SV2C: variants seen among roughly 807,000 people sequenced by gnomAD.
The protein encoded by SV2C is solute carrier family 22 member B3.
A neutral mutation model predicts 79.7 loss-of-function variants in SV2C; 49 were observed. The ratio of observed to expected loss-of-function variants is 0.61; its 90% confidence interval spans 0.49 to 0.78. The LOEUF is 0.78. Ranked by LOEUF, SV2C falls within the 30% of genes least tolerant of loss-of-function variation. The pLI is 0.00. For missense variants in SV2C, 833 were observed against 912.9 expected (o/e 0.91, Z 1.13); for synonymous variants, 334 against 333.2 (o/e 1.00, Z -0.03).
At chr5:75,967,808 G>T in the SV2C span, among the ~76,000 whole-genome samples, 3 of 152,212 alleles carry the variant, frequency 2.0e-5, no homozygotes, top group African/African-American at 7.2e-5. Flanking sequence ...CTGTCTGACA[G>T]CTTTGAAGAG....
chr5:75,998,012 TA>T, the SV2C span, among the ~76,000 whole-genome samples: 6 of 151,916 alleles, frequency 3.9e-5, no homozygotes, highest in Non-Finnish European at 2.9e-5. Context: ...TATGCAGCCA[TA>T]AAAAAGGATG....
the SV2C span, among the ~76,000 whole-genome samples, chr5:75,998,505 A>G: frequency 3.3e-5 from 5 of 152,256 alleles, no homozygotes; most frequent in East Asian, 9.7e-4. Flanking sequence ...AAATGGATGA[A>G]TCATGATTGA....
the SV2C span, among the ~76,000 whole-genome samples, chr5:76,019,887 C>T: frequency 3.9e-5 from 6 of 152,164 alleles, no homozygotes; most frequent in East Asian, 7.8e-4. Flanking sequence ...AATTCTTTGA[C>T]GGATACGAGT....
At chr5:76,009,520 T>G in the SV2C span, among the ~76,000 whole-genome samples, 3 of 152,214 alleles carry the variant, frequency 2.0e-5, no homozygotes, top group Non-Finnish European at 4.4e-5. Flanking sequence ...CAGGTGCCTG[T>G]CAGTGGTGGA....
the SV2C span, among the ~76,000 whole-genome samples, chr5:76,001,831 A>G: frequency 3.3e-5 from 5 of 152,076 alleles, no homozygotes; most frequent in Non-Finnish European, 7.4e-5. Context: ...TTTTGGGGAA[A>G]CAGGTGGTGT....
the SV2C span, among the ~76,000 whole-genome samples, chr5:75,995,659 G>T: frequency 6.6e-6 from 1 of 152,004 alleles, no homozygotes. Flanking sequence ...TCAGATGTAG[G>T]TTAAAATGCT....
the SV2C span, among the ~76,000 whole-genome samples, chr5:75,977,694 C>T: frequency 6.6e-6 from 1 of 152,190 alleles, no homozygotes; most frequent in Non-Finnish European, 1.5e-5. Context: ...CTTCCATATA[C>T]TTCCGGCAGT....
chr5:76,293,163 T>C (rs1234288153), intron 8 of SV2C, among the ~76,000 whole-genome samples: 1 of 152,102 alleles, frequency 6.6e-6, no homozygotes, highest in African/African-American at 2.4e-5. Context: ...AGGGTTGACT[T>C]AGAATATGTA....
chr5:75,967,281 G>T, the SV2C span, among the ~76,000 whole-genome samples: 2 of 152,176 alleles, frequency 1.3e-5, no homozygotes, highest in South Asian at 2.1e-4. Flanking sequence ...ATTTCCAACT[G>T]AGGTACCGGG....
chr5:75,881,847 G>A, the SV2C span, among the ~76,000 whole-genome samples: 1 of 147,968 alleles, frequency 6.8e-6, no homozygotes, highest in Non-Finnish European at 1.5e-5. Context: ...GAATAGGAGT[G>A]GTGAGAGAGG....
intron 1 of SV2C, among the ~76,000 whole-genome samples, chr5:76,098,763 G>A (rs1747642975): frequency 6.6e-6 from 1 of 152,188 alleles, no homozygotes; most frequent in Non-Finnish European, 1.5e-5. Flanking sequence ...GAAAGCCTGA[G>A]GAGAAAAGCC....
chr5:76,148,453 C>T (rs891751833), intron 2 of SV2C, among the ~76,000 whole-genome samples: 14 of 151,928 alleles, frequency 9.2e-5, no homozygotes, highest in African/African-American at 3.1e-4. Flanking sequence ...CTTCCTTTTT[C>T]TCTCTCTCTC....
intron 2 of SV2C, among the ~76,000 whole-genome samples, chr5:76,137,829 G>A (rs962592108): frequency 1.3e-5 from 2 of 152,190 alleles, no homozygotes; most frequent in African/African-American, 4.8e-5. Context: ...TGAAGCTGGA[G>A]TGGGAGTGGG....
chr5:76,256,812 A>G (rs566588843), intron 4 of SV2C, among the ~76,000 whole-genome samples: 8 of 152,328 alleles, frequency 5.3e-5, no homozygotes, highest in African/African-American at 1.9e-4. Context: ...AAAACTTACA[A>G]ACACTGTCTA....
chr5:75,860,297 C>CACACAAAT, the SV2C span, among the ~76,000 whole-genome samples: 96 of 152,100 alleles, frequency 6.3e-4, no homozygotes, highest in African/African-American at 2.2e-3. Context: ...ACAATAGCCA[C>CACACAAAT]ACACAAATAA....
chr5:76,250,565 A>C (rs1417608972), intron 4 of SV2C, among the ~76,000 whole-genome samples: 1 of 152,120 alleles, frequency 6.6e-6, no homozygotes, highest in Non-Finnish European at 1.5e-5. Flanking sequence ...ACTTGGAAAA[A>C]CTGCTAGAGA....
At chr5:76,013,791 A>C in the SV2C span, among the ~76,000 whole-genome samples, 1 of 152,208 alleles carries the variant, frequency 6.6e-6, no homozygotes, top group African/African-American at 2.4e-5. Flanking sequence ...AGTCATTATG[A>C]ATGTAAATAT....
the SV2C span, among the ~76,000 whole-genome samples, chr5:75,850,291 G>C: frequency 1.3e-5 from 2 of 152,170 alleles, no homozygotes; most frequent in East Asian, 3.8e-4. Flanking sequence ...GAATTAAAAT[G>C]TATACACACA....
At chr5:76,075,697 T>C in the SV2C span, 1 of 352,940 alleles carries the variant, frequency 2.8e-6, no homozygotes, top group South Asian at 2.4e-5. Context: ...AAAAGAAGTC[T>C]ACCCAGAAGC....
Sources: allele counts gnomAD v4.1 joint callset (sites outside exome capture counted in the v4.1 genomes callset), GRCh38; gene constraint gnomAD v4.1.1; transcripts MANE v1.5; gene names NCBI Gene and HGNC (gene_info 2026-07-23, HGNC 2026-07-21).